KCTD1: variants seen among roughly 807,000 people sequenced by gnomAD.
The protein encoded by KCTD1 is potassium channel tetramerization domain containing 1, also known as BTB/POZ domain-containing protein KCTD1.
Under a neutral mutation model 66.0 loss-of-function variants are expected in KCTD1, and 24 were observed. The observed-to-expected ratio is 0.36, with a 90% CI of 0.26 to 0.51. The LOEUF (loss-of-function observed/expected upper bound fraction) is 0.51. Ranked by LOEUF, KCTD1 falls within the 20% of genes least tolerant of loss-of-function variation. The pLI is 0.95. For missense variants in KCTD1, 943 were observed against 1,205.2 expected (o/e 0.78, Z 3.22); for synonymous variants, 511 against 517.2 (o/e 0.99, Z 0.16).
chr18:26,491,573 C>T (rs551912163), intron 2 of KCTD1, among the ~76,000 whole-genome samples: 12 of 152,304 alleles, frequency 7.9e-5, no homozygotes, highest in East Asian at 1.9e-4. Context: ...CAGTCCAAGG[C>T]GGTCCTTTCC....
chr18:26,483,755 G>C (rs1981770386), intron 2 of KCTD1, among the ~76,000 whole-genome samples: 1 of 152,180 alleles, frequency 6.6e-6, no homozygotes, highest in Non-Finnish European at 1.5e-5. Flanking sequence ...AGATGTGTGT[G>C]TGTGTGTGTG....
At chr18:26,605,768 C>CTATCTATCTATATATA (rs558732795) in intron 1 of KCTD1, among the ~76,000 whole-genome samples, 2 of 134,072 alleles carry the variant, frequency 1.5e-5, no homozygotes, top group African/African-American at 5.6e-5. Flanking sequence ...ATCTATCTAT[C>CTATCTATCTATATATA]TATATTACAT....
intron 1 of KCTD1, among the ~76,000 whole-genome samples, chr18:26,534,395 TC>T (rs1984590975): frequency 6.6e-6 from 1 of 152,198 alleles, no homozygotes; most frequent in Non-Finnish European, 1.5e-5. Context: ...CTCTTGATTA[TC>T]ATTATTTTAT....
intron 1 of KCTD1, among the ~76,000 whole-genome samples, chr18:26,503,064 C>A (rs556404292): frequency 6.6e-6 from 1 of 152,132 alleles, no homozygotes; most frequent in Non-Finnish European, 1.5e-5. Context: ...TGGGCCTTTA[C>A]GCAAAATGTT....
chr18:26,501,884 G>A (rs992439680), intron 1 of KCTD1, among the ~76,000 whole-genome samples: 2 of 152,162 alleles, frequency 1.3e-5, no homozygotes, highest in Admixed American at 6.5e-5. Context: ...TGAACCACAA[G>A]CGAACTGCTC....
intron 1 of KCTD1, among the ~76,000 whole-genome samples, chr18:26,619,565 C>T (rs762320735): frequency 4.6e-5 from 7 of 152,148 alleles, no homozygotes; most frequent in Non-Finnish European, 1.0e-4. Context: ...TCCATAGCCA[C>T]GTGTTTGGGG....
chr18:26,619,669 C>T (rs941166993), intron 1 of KCTD1, among the ~76,000 whole-genome samples: 1 of 152,144 alleles, frequency 6.6e-6, no homozygotes, highest in African/African-American at 2.4e-5. Context: ...GCAATGGGAC[C>T]TGAGGAGACA....
chr18:26,491,479 T>G (rs1425936527), intron 2 of KCTD1, among the ~76,000 whole-genome samples: 1 of 152,226 alleles, frequency 6.6e-6, no homozygotes, highest in African/African-American at 2.4e-5. Context: ...CAGGCAGGCT[T>G]GCACACTGGA....
intron 1 of KCTD1, among the ~76,000 whole-genome samples, chr18:26,515,677 T>G (rs1206632891): frequency 1.3e-5 from 2 of 151,944 alleles, no homozygotes; most frequent in Non-Finnish European, 2.9e-5. Flanking sequence ...GCCCGGCTAA[T>G]TTTTGTATTT....
chr18:26,455,520 G>GACAT lies in KCTD1; in HGVS notation c.*219_*222dup, dbSNP rs1980021113. 2 of 237,680 alleles carry GACAT rather than the reference G, an allele frequency of 8.4e-6. No homozygotes were observed. Among genetic ancestry groups the GACAT allele is most frequent in the Non-Finnish European group, 1.5e-5 (2 of 131,020 alleles). 14.7% of individuals were successfully genotyped at this position (237,680 alleles called of 1,614,324 possible). A position where few individuals can be genotyped will look rare whatever the true frequency, so the allele number is the denominator to read the frequency against. ...TTCTTTTTTGCATTTCCTACCTTTT[G>GACAT]ACATATATATATATATTTATATATT... On this transcript the variant is annotated 3_prime_UTR_variant, in exon 5 of 5. Transcript: ENST00000580059.
chr18:26,532,261 C>CTTTCTTTTTTTTTTTTTTT (rs1394278500), intron 1 of KCTD1, among the ~76,000 whole-genome samples: 3 of 29,556 alleles, frequency 1.0e-4, no homozygotes, highest in African/African-American at 2.0e-4. Context: ...TTCTTTCCTT[C>CTTTCTTTTTTTTTTTTTTT]TTTTTTTTTT....
chr18:26,483,427 C>T (rs1449997976), intron 2 of KCTD1, among the ~76,000 whole-genome samples: 3 of 152,110 alleles, frequency 2.0e-5, no homozygotes, highest in Admixed American at 6.6e-5. Flanking sequence ...TGCCACCACG[C>T]CCGGCTAGTT....
In KCTD1 at chr18:26,548,265, T is replaced by C; in HGVS notation, c.272A>G (p.Glu91Gly). The C allele has an allele frequency of 1.3e-6, 2 of 1,512,636 alleles. No homozygotes were observed. The highest frequency in any genetic ancestry group is 2.0e-5 in the Admixed American group (1 of 49,544). 93.7% of individuals were successfully genotyped at this position (1,512,636 alleles called of 1,614,324 possible). A position where few individuals can be genotyped will look rare whatever the true frequency, so the allele number is the denominator to read the frequency against. The change falls in exon 1 of 5, where the codon GAG (glutamate) becomes GGG (glycine). Residue 91 changes from glutamate to glycine, a missense_variant. Physicochemically the swap from Glu to Gly is moderately conservative, Grantham distance 98. This residue lies in a region of KCTD1 where 236 missense variants were observed against 206.6 expected (regional missense o/e 1.14). Coordinates refer to ENST00000580059, the MANE Select transcript of KCTD1 (RefSeq NM_001142730.3). The part of the protein sequence containing the change: ...GGGGLEEDEE[E>G]EEEEEMGLDW... ...CAGCCCCATCTCCTCCTCTTCCTCC[T>C]CCTCCTCGTCCTCCTCCAGCCCCCC...
At chr18:26,559,567 C>T (rs1985796619) in intron 1 of KCTD1, among the ~76,000 whole-genome samples, 1 of 152,154 alleles carries the variant, frequency 6.6e-6, no homozygotes. Flanking sequence ...AGATACACAT[C>T]CCCAGAGGGA....
At chr18:26,522,048 C>T (rs1567978716) in intron 1 of KCTD1, among the ~76,000 whole-genome samples, 1 of 152,180 alleles carries the variant, frequency 6.6e-6, no homozygotes, top group Non-Finnish European at 1.5e-5. Context: ...GATGCTTAGC[C>T]AAATTCCTCT....
intron 2 of KCTD1, among the ~76,000 whole-genome samples, chr18:26,486,353 C>T (rs1003742990): frequency 1.3e-5 from 2 of 152,212 alleles, no homozygotes; most frequent in Non-Finnish European, 2.9e-5. Flanking sequence ...AGCACATGCT[C>T]GATGCTGTCC....
chr18:26,550,565 GACACACACACACACACAC>G (rs60922405), upstream of KCTD1, among the ~76,000 whole-genome samples: 240 of 140,580 alleles, frequency 1.7e-3, 1 homozygote, highest in African/African-American at 6.0e-3. The surrounding 1 kb of genome is among the most constrained non-coding windows in gnomAD (Gnocchi z 5.4). Flanking sequence ...AAGACACACA[GACACACACACACACACAC>G]ACACACACAC....
chr18:26,599,716 T>A, intron 1 of KCTD1: 9 of 1,550,154 alleles, frequency 5.8e-6, no homozygotes, highest in South Asian at 4.5e-5. Context: ...CAGCTGTAGA[T>A]AACAATAGCA....
At chr18:26,497,442 C>T (rs1486927737) in intron 2 of KCTD1, among the ~76,000 whole-genome samples, 3 of 152,012 alleles carry the variant, frequency 2.0e-5, no homozygotes, top group African/African-American at 4.8e-5. Context: ...CCATGGGCAA[C>T]CTAATGTCCT....
Sources: allele counts gnomAD v4.1 joint callset (sites outside exome capture counted in the v4.1 genomes callset), GRCh38; gene constraint gnomAD v4.1.1; regional missense constraint gnomAD v4.1.1; non-coding constraint Gnocchi (gnomAD v3.1); transcripts MANE v1.5; gene names NCBI Gene and HGNC (gene_info 2026-07-23, HGNC 2026-07-21).